The following PRORP variants were observed in gnomAD, a reference collection of about 807,000 sequenced individuals.
PRORP encodes mitochondrial ribonuclease P catalytic subunit.
In PRORP, 51 loss-of-function variants were observed where a neutral mutation model predicts 59.4. That is an observed-to-expected ratio of 0.86 (90% confidence interval 0.69 to 1.08). The LOEUF (loss-of-function observed/expected upper bound fraction) is 1.08, where lower values mean the gene tolerates loss of function less well. PRORP is among the 50% of genes least tolerant of loss of function. The pLI is 0.00. For missense variants in PRORP, 646 were observed against 690.3 expected (o/e 0.94, Z 0.72); for synonymous variants, 231 against 245.6 (o/e 0.94, Z 0.55).
chr14:35,184,807 C>T (rs1041029700), intron 5 of PRORP, among the ~76,000 whole-genome samples: 2 of 152,032 alleles, frequency 1.3e-5, no homozygotes, highest in Admixed American at 6.6e-5. Context: ...AGTTTGCTAA[C>T]GATAATAGCC....
At chr14:35,240,177 A>G (rs1450074138) in intron 5 of PRORP, among the ~76,000 whole-genome samples, 4 of 152,016 alleles carry the variant, frequency 2.6e-5, no homozygotes, top group African/African-American at 4.8e-5. Context: ...CAATCATTTC[A>G]CTACCACCAA....
At chr14:35,180,109 G>T (rs1318224892) in intron 4 of PRORP, among the ~76,000 whole-genome samples, 1 of 152,162 alleles carries the variant, frequency 6.6e-6, no homozygotes, top group African/African-American at 2.4e-5. Flanking sequence ...CGTCTCAGGG[G>T]TACCCGGCCG....
At chr14:35,165,457 G>A (rs898203328) in intron 4 of PRORP, among the ~76,000 whole-genome samples, 3 of 152,198 alleles carry the variant, frequency 2.0e-5, no homozygotes, top group Non-Finnish European at 4.4e-5. Flanking sequence ...CATTGTTACA[G>A]CAATAAGAAA....
intron 6 of PRORP, among the ~76,000 whole-genome samples, chr14:35,269,745 G>A (rs2051138605): frequency 6.6e-6 from 1 of 152,042 alleles, no homozygotes; most frequent in African/African-American, 2.4e-5. Context: ...AGGGTCATTT[G>A]AATCAAGGCA....
intron 5 of PRORP, among the ~76,000 whole-genome samples, chr14:35,249,170 C>G (rs987934471): frequency 3.3e-5 from 5 of 152,112 alleles, no homozygotes; most frequent in Non-Finnish European, 5.9e-5. Flanking sequence ...TTTGACTTAA[C>G]CCCATTATAT....
At chr14:35,261,459 G>A (rs562315845) in intron 5 of PRORP, among the ~76,000 whole-genome samples, 4 of 152,256 alleles carry the variant, frequency 2.6e-5, no homozygotes, top group South Asian at 2.1e-4. Flanking sequence ...AGCCAGGCGC[G>A]GTGGCTCACG....
chr14:35,206,630 TAG>T (rs2049301689), intron 5 of PRORP, among the ~76,000 whole-genome samples: 1 of 152,182 alleles, frequency 6.6e-6, no homozygotes, highest in Non-Finnish European at 1.5e-5. Flanking sequence ...CATAAGTCTA[TAG>T]ACTAGCAACA....
At chr14:35,201,345 TTCA>T (rs2049143576) in intron 5 of PRORP, among the ~76,000 whole-genome samples, 1 of 152,206 alleles carries the variant, frequency 6.6e-6, no homozygotes, top group Admixed American at 6.5e-5. Context: ...GGAGTTATGT[TTCA>T]CTTCCTTGAG....
chr14:35,129,649 T>C (rs2047187360), intron 4 of PRORP, among the ~76,000 whole-genome samples: 1 of 151,796 alleles, frequency 6.6e-6, no homozygotes, highest in African/African-American at 2.4e-5. Context: ...AAATTTTTTT[T>C]TTTGTATTTT....
upstream of PRORP, chr14:35,122,100 G>T: frequency 2.5e-6 from 2 of 786,642 alleles, no homozygotes; most frequent in Non-Finnish European, 2.1e-6. Context: ...CGGAAGTCTT[G>T]GCTAAAGAGG....
intron 5 of PRORP, among the ~76,000 whole-genome samples, chr14:35,204,620 G>A (rs564622239): frequency 2.0e-5 from 3 of 152,052 alleles, no homozygotes; most frequent in African/African-American, 7.2e-5. Context: ...ATCCTTAAGA[G>A]TTTTATAGTC....
Position 35,243,291 on chromosome 14 carries a change from G to GGAGGCA in PRORP, c.1276-23428_1276-23423dup, listed in dbSNP as rs546288577. On this transcript the variant is annotated intron_variant, in intron 5 of 7. Coordinates refer to ENST00000534898, the MANE Select transcript of PRORP (RefSeq NM_014672.4). ...TCACGCCTGTAATCCCCACACTTTG[G>GGAGGCA]GAGGCAGAGGCAGGCAGATCTCTTG... 5.8e-4 allele frequency among the ~76,000 whole-genome samples: 88 copies of GGAGGCA among 152,238 alleles called. 1 individual carries two copies. In the South Asian group the frequency reaches 0.018, roughly 32 times the overall value.
chr14:35,162,005 A>G (rs939189658), intron 4 of PRORP, among the ~76,000 whole-genome samples: 1 of 152,010 alleles, frequency 6.6e-6, no homozygotes, highest in African/African-American at 2.4e-5. Flanking sequence ...ATCATTTTAT[A>G]TTTCTAGATT....
Position 35,147,694 on chromosome 14 carries a change from T to G in PRORP, c.1167+20083T>G, listed in dbSNP as rs115075195. On this transcript the variant is annotated intron_variant, in intron 4 of 7. Coordinates refer to ENST00000534898, the MANE Select transcript of PRORP (RefSeq NM_014672.4). ...GTTTGCCACATAAATTGACTCTTCT[T>G]ATCACAAAATATTTTTCTGCAGCAT... 4.0e-3 allele frequency among the ~76,000 whole-genome samples: 602 copies of G among 152,358 alleles called. 4 individuals are homozygous for G. Among genetic ancestry groups the G allele is most frequent in the African/African-American group, 0.014 (575 of 41,592 alleles).
chr14:35,121,839 C>T (rs1387549203), upstream of PRORP: 1 of 1,562,884 alleles, frequency 6.4e-7, no homozygotes. Context: ...CTCCCCACCT[C>T]CCCCCTACCT....
intron 4 of PRORP, among the ~76,000 whole-genome samples, chr14:35,145,208 A>G (rs1378633200): frequency 6.9e-6 from 1 of 144,568 alleles, no homozygotes; most frequent in African/African-American, 2.4e-5. Context: ...CCTGGGCTCA[A>G]GTAATCCTCC....
At chr14:35,162,426 G>A (rs1406484483) in intron 4 of PRORP, among the ~76,000 whole-genome samples, 1 of 152,018 alleles carries the variant, frequency 6.6e-6, no homozygotes, top group African/African-American at 2.4e-5. Flanking sequence ...TGCAGTATAG[G>A]ATTAATTTAC....
intron 4 of PRORP, among the ~76,000 whole-genome samples, chr14:35,179,150 CT>C (rs2048532701): frequency 6.6e-6 from 1 of 152,214 alleles, no homozygotes. Context: ...GGAACCTGAC[CT>C]TTCTCTCTAG....
intron 5 of PRORP, among the ~76,000 whole-genome samples, chr14:35,236,931 CTT>C (rs1251798935): frequency 1.4e-4 from 19 of 135,914 alleles, no homozygotes; most frequent in Non-Finnish European, 1.5e-5. Flanking sequence ...CTTTCTCTCT[CTT>C]TCTCCTTCTT....
Sources: allele counts gnomAD v4.1 joint callset (sites outside exome capture counted in the v4.1 genomes callset), GRCh38; gene constraint gnomAD v4.1.1; transcripts MANE v1.5; gene names NCBI Gene and HGNC (gene_info 2026-07-23, HGNC 2026-07-21).